The following RBM33 variants were observed in gnomAD, a reference collection of about 807,000 sequenced individuals.
The protein encoded by RBM33 is RNA binding motif protein 33, also known as RNA-binding protein 33.
RBM33 carries 28 observed loss-of-function variants against 132.6 expected under a neutral mutation model. The ratio of observed to expected loss-of-function variants is 0.21; its 90% confidence interval spans 0.16 to 0.29. The LOEUF (loss-of-function observed/expected upper bound fraction) is 0.29, where lower values mean the gene tolerates loss of function less well. Among genes scored for constraint, RBM33 ranks in the 10% least tolerant of loss-of-function variants. RBM33 has a pLI of 1.00. For synonymous variants in RBM33, 634 were observed against 593.0 expected (o/e 1.07, Z -1.01); for missense variants, 1,291 against 1,518.5 (o/e 0.85, Z 2.49).
rs188542859 is a variant in RBM33 at position 155,718,067 on chromosome 7, A to G, written c.1202-318A>G. On this transcript the variant is annotated intron_variant, in intron 8 of 17. Coordinates refer to ENST00000401878, the MANE Select transcript of RBM33 (RefSeq NM_053043.3). ...TAACCTGGATTATCTGTATAGGGAT[A>G]GGAGAAACAAACTAGGTTTTTTATT... 1.1e-4 allele frequency among the ~76,000 whole-genome samples: 17 copies of G among 152,334 alleles called. No individual in the cohort carries two copies. The East Asian group carries it at 3.3e-3, about 29-fold the overall frequency.
At chr7:155,658,443 A>G (rs937000089) in intron 1 of RBM33, among the ~76,000 whole-genome samples, 1 of 140,016 alleles carries the variant, frequency 7.1e-6, no homozygotes, top group Non-Finnish European at 1.5e-5. Flanking sequence ...GCTGGAGTGC[A>G]GTGGCGTGAT....
At chr7:155,757,780 T>TCTACTTGG (rs1450785351) in intron 14 of RBM33, among the ~76,000 whole-genome samples, 1 of 151,078 alleles carries the variant, frequency 6.6e-6, no homozygotes, top group Non-Finnish European at 1.5e-5. Context: ...GGTGCCGGCA[T>TCTACTTGG]CTACTTGGCT....
intron 9 of RBM33, among the ~76,000 whole-genome samples, chr7:155,727,640 C>T (rs981400449): frequency 2.0e-5 from 3 of 152,192 alleles, no homozygotes; most frequent in Non-Finnish European, 2.9e-5. Context: ...AAAGCTTAAA[C>T]GTTAAAAAAA....
chr7:155,708,795 T>C (rs1249196779), intron 7 of RBM33, among the ~76,000 whole-genome samples: 2 of 152,234 alleles, frequency 1.3e-5, no homozygotes. Flanking sequence ...AACTGCGTTC[T>C]GTTACATCAT....
chr7:155,703,607 A>G (rs1800029029), intron 6 of RBM33, among the ~76,000 whole-genome samples: 1 of 152,218 alleles, frequency 6.6e-6, no homozygotes, highest in South Asian at 2.1e-4. Flanking sequence ...TTTTCCCAAC[A>G]CAAAGGAGGA....
At chr7:155,737,386 T>TGTGTGTGG in intron 9 of RBM33, 144 bp from the exon 10 acceptor site, 1 of 689,574 alleles carries the variant, frequency 1.5e-6, no homozygotes, top group Non-Finnish European at 2.3e-6. Context: ...TGTGTGTGTG[T>TGTGTGTGG]AGAAAGAGAA....
chr7:155,678,881 G>A (rs1289900829), intron 4 of RBM33, among the ~76,000 whole-genome samples, 197 bp downstream of exon 4: 1 of 152,152 alleles, frequency 6.6e-6, no homozygotes, highest in Non-Finnish European at 1.5e-5. Flanking sequence ...TTTAAAATAA[G>A]CAGTTCTTGG....
intron 14 of RBM33, chr7:155,746,512 A>C (rs1801521347): frequency 6.6e-6 from 1 of 152,196 alleles, no homozygotes. Context: ...CAGGCACAGG[A>C]AGTGCAGTTT....
chr7:155,751,645 A>AGG (rs1365226269), intron 14 of RBM33, among the ~76,000 whole-genome samples: 3 of 152,190 alleles, frequency 2.0e-5, no homozygotes, highest in African/African-American at 7.2e-5. Flanking sequence ...AACACCCCAG[A>AGG]GGGGATATCG....
At chr7:155,726,920 A>T (rs1800809807) in intron 9 of RBM33, among the ~76,000 whole-genome samples, 1 of 152,208 alleles carries the variant, frequency 6.6e-6, no homozygotes. Context: ...ATTCACTTTT[A>T]ACTCTGTAAA....
chr7:155,661,713 A>T (rs1257553949), intron 1 of RBM33, among the ~76,000 whole-genome samples: 1 of 151,886 alleles, frequency 6.6e-6, no homozygotes, highest in East Asian at 1.9e-4. Flanking sequence ...TGGCCTGTTT[A>T]TTCATATTCT....
intron 14 of RBM33, among the ~76,000 whole-genome samples, chr7:155,748,874 A>C (rs1344719579): frequency 6.6e-6 from 1 of 152,134 alleles, no homozygotes; most frequent in Non-Finnish European, 1.5e-5. Context: ...TGTGTTGACT[A>C]GGGTCAACGT....
intron 14 of RBM33, among the ~76,000 whole-genome samples, chr7:155,748,600 A>G (rs924078493): frequency 1.3e-5 from 2 of 152,342 alleles, no homozygotes; most frequent in South Asian, 2.1e-4. Context: ...TTATAATGAA[A>G]TAATTTATCG....
chr7:155,682,860 G>A (rs1799372896), intron 5 of RBM33, among the ~76,000 whole-genome samples: 1 of 152,148 alleles, frequency 6.6e-6, no homozygotes, highest in Non-Finnish European at 1.5e-5. Context: ...ATTACACATA[G>A]GCCCCAGTTG....
chr7:155,748,559 G>A (rs990812669), intron 14 of RBM33, among the ~76,000 whole-genome samples: 10 of 152,152 alleles, frequency 6.6e-5, no homozygotes, highest in African/African-American at 2.4e-4. Flanking sequence ...ATCAAATGGA[G>A]TTTTCTTCTA....
At chr7:155,765,607 G>T (rs1802188002) in intron 15 of RBM33, among the ~76,000 whole-genome samples, 1 of 152,192 alleles carries the variant, frequency 6.6e-6, no homozygotes, top group African/African-American at 2.4e-5. Flanking sequence ...ATTCGGGTAG[G>T]CCATCTGGAA....
chr7:155,718,724 T>A (rs770991966), intron 9 of RBM33, among the ~76,000 whole-genome samples: 1 of 152,176 alleles, frequency 6.6e-6, no homozygotes, highest in Non-Finnish European at 1.5e-5. Flanking sequence ...TATTGCCTTA[T>A]GTTAGTGAGA....
At chr7:155,696,123 A>G (rs1398099161) in intron 5 of RBM33, among the ~76,000 whole-genome samples, 1 of 152,068 alleles carries the variant, frequency 6.6e-6, no homozygotes, top group Non-Finnish European at 1.5e-5. Flanking sequence ...TTGTTTTTGT[A>G]TCCCTATATC....
intron 1 of RBM33, among the ~76,000 whole-genome samples, chr7:155,654,381 C>T (rs987796954): frequency 2.0e-5 from 3 of 151,776 alleles, no homozygotes; most frequent in South Asian, 2.1e-4. Context: ...TATGTTTTAT[C>T]GATTAATTAG....
Sources: allele counts gnomAD v4.1 joint callset (sites outside exome capture counted in the v4.1 genomes callset), GRCh38; gene constraint gnomAD v4.1.1; transcripts MANE v1.5; gene names NCBI Gene and HGNC (gene_info 2026-07-23, HGNC 2026-07-21).